Variants in ANKS6 observed in about 807,000 individuals in gnomAD.
ANKS6 encodes the protein ankyrin repeat and SAM domain-containing protein 6.
Under a neutral mutation model 77.9 loss-of-function variants are expected in ANKS6, and 47 were observed. That is an observed-to-expected ratio of 0.60 (90% CI 0.48 to 0.77). The LOEUF (loss-of-function observed/expected upper bound fraction) is 0.77. Among genes scored for constraint, ANKS6 ranks in the 30% least tolerant of loss-of-function variants. ANKS6 has a pLI of 0.00. For missense variants in ANKS6, 1,150 were observed against 1,159.1 expected, an observed-to-expected ratio of 0.99 and a Z score of 0.11; for synonymous variants, 488 against 501.7, an observed-to-expected ratio of 0.97 and a Z score of 0.37.
chr9:98,790,582 G>T lies in ANKS6; in HGVS notation c.384C>A (p.His128Gln), dbSNP rs1333466942. ...AARFGHVSVA[H>Q]LLLDHGADVN... ...CATCAGCCCCGTGATCCAACAGGAG[G>T]TGTGCCACACTCACATGCCCAAATC... is the stretch of plus-strand genomic sequence containing the variant. The change falls in exon 2 of 15, where the codon CAC (histidine) becomes CAA (glutamine). Residue 128 changes from histidine (H) to glutamine (Q), a missense_variant. Transcript: ENST00000353234. The T allele has an allele frequency of 1.2e-6, 2 of 1,605,786 alleles. No homozygotes were observed. Among genetic ancestry groups the T allele is most frequent in the Non-Finnish European group, 1.7e-6 (2 of 1,173,446 alleles).
At position 98,780,195 on chromosome 9, in the gene ANKS6, T is replaced by C; in HGVS notation, c.1362A>G (p.Gly454=). The part of the protein sequence containing the change: ...SIPVLPDDKG[G]LKSWWNRMSN... Reference sequence around the variant, plus strand: ...AAGACAGGAAAAGGCAAACCTTCAGTCCACCCTTGTCATCGGGCAGCACTG... The same window carrying C: ...AAGACAGGAAAAGGCAAACCTTCAGCCCACCCTTGTCATCGGGCAGCACTG... The change falls in exon 6 of 15, where the codon GGA becomes GGG. Residue 454 remains glycine (G), a synonymous_variant. Transcript: ENST00000353234. 6.2e-7 allele frequency: 1 copy of C among 1,613,804 alleles called. No individual in the cohort carries two copies. The highest frequency in any genetic ancestry group is 8.5e-7 in the Non-Finnish European group (1 of 1,180,022).
chr9:98,777,554 C>T (rs1361540653), intron 7 of ANKS6, 100 bp from the exon 8 acceptor site: 14 of 1,014,626 alleles, frequency 1.4e-5, no homozygotes, highest in Non-Finnish European at 2.1e-5. Flanking sequence ...ACCAACTCTC[C>T]TGGGTGCTTA....
At chr9:98,744,309 C>A (rs1028774840) in intron 14 of ANKS6, among the ~76,000 whole-genome samples, 1 of 152,180 alleles carries the variant, frequency 6.6e-6, no homozygotes, top group Non-Finnish European at 1.5e-5. Flanking sequence ...CACCTCCAAT[C>A]CTGGCAGGGC....
chr9:98,736,151 G>T lies in ANKS6; in HGVS notation c.*368C>A. ...TGTGTGTCAGTTAAGAGCAAGGCAG[G>T]TAAGAAGCAGCCGTGCCTTCTCCAT... On this transcript the variant is annotated 3_prime_UTR_variant, in exon 15 of 15. Transcript: ENST00000353234. 2 of 1,152,188 alleles carry T rather than the reference G, an allele frequency of 1.7e-6. No individual in the cohort carries two copies. The highest frequency in any genetic ancestry group is 1.1e-6 in the Non-Finnish European group (1 of 935,346). 71.4% of individuals were successfully genotyped at this position (1,152,188 alleles called of 1,614,324 possible).
In ANKS6 at chr9:98,733,746, A is replaced by G. The variant is rs1328229244; in HGVS notation, c.*2773T>C. 1.0e-5 allele frequency: 10 copies of G among 985,422 alleles called. No homozygotes were observed. The highest frequency in any genetic ancestry group is 1.2e-5 in the Non-Finnish European group (10 of 830,018). 61.0% of individuals were successfully genotyped at this position (985,422 alleles called of 1,614,324 possible). A position where few individuals can be genotyped will look rare whatever the true frequency, so the allele number is the denominator to read the frequency against. ...ATGCTGAAGGTTGTGAGAGGCCTGTAGCAAAGATGATCGTGTAGCTCGCTT... is the reference window on the plus strand; with the variant it reads ...ATGCTGAAGGTTGTGAGAGGCCTGTGGCAAAGATGATCGTGTAGCTCGCTT... On this transcript the variant is annotated 3_prime_UTR_variant, in exon 15 of 15. Transcript: ENST00000353234.
In ANKS6 at chr9:98,753,131, A is replaced by G. The variant is rs572188324; in HGVS notation, c.2327-2035T>C. On this transcript the variant is annotated intron_variant, in intron 12 of 14. Coordinates refer to ENST00000353234, the MANE Select transcript of ANKS6 (RefSeq NM_173551.5). ...CTGATATAAAGGATTTATAGCACAC[A>G]ATTTACAAATAATAAAAAATACAAT... Among the ~76,000 whole-genome samples the G allele has an allele frequency of 3.9e-5, 6 of 152,116 alleles. No individual in the cohort carries two copies. The East Asian group carries it at 1.2e-3, about 29-fold the overall frequency.
chr9:98,735,747 C>T lies in ANKS6; in HGVS notation c.*772G>A. On this transcript the variant is annotated 3_prime_UTR_variant, in exon 15 of 15. Transcript: ENST00000353234. ...AGAAGGGATCCACACAGCAGGCCTCCACTTCTTTCCTTCTATAATAGACTC... is the reference window on the plus strand; with the variant it reads ...AGAAGGGATCCACACAGCAGGCCTCTACTTCTTTCCTTCTATAATAGACTC... The T allele has an allele frequency of 8.1e-7, 1 of 1,231,728 alleles. No individual in the cohort carries two copies. The highest frequency in any genetic ancestry group is 1.0e-6 in the Non-Finnish European group (1 of 987,978). 76.3% of individuals were successfully genotyped at this position (1,231,728 alleles called of 1,614,324 possible).
Position 98,780,353 on chromosome 9 carries a change from G to T in ANKS6, c.1220-16C>A, listed in dbSNP as rs1227785000. On this transcript the variant is annotated splice_polypyrimidine_tract_variant and intron_variant, in intron 5 of 14. Coordinates refer to ENST00000353234, the MANE Select transcript of ANKS6 (RefSeq NM_173551.5). Reference sequence around the variant, plus strand: ...AGTTCCGTGTCTATGGACACAAAAGGCATCATTTTACCTGCAAATATGTCT... The same window carrying T: ...AGTTCCGTGTCTATGGACACAAAAGTCATCATTTTACCTGCAAATATGTCT... 3.2e-6 allele frequency: 5 copies of T among 1,568,692 alleles called. No homozygotes were observed. Among genetic ancestry groups the T allele is most frequent in the Non-Finnish European group, 4.3e-6 (5 of 1,154,320 alleles).
intron 14 of ANKS6, among the ~76,000 whole-genome samples, chr9:98,741,395 C>A (rs1410273872): frequency 2.0e-5 from 3 of 151,980 alleles, no homozygotes; most frequent in Non-Finnish European, 4.4e-5. Flanking sequence ...TTGAGGCCAG[C>A]CTGGGCAACA....
chr9:98,773,841 G>C, intron 9 of ANKS6, 36 bp downstream of exon 9: 2 of 1,474,802 alleles, frequency 1.4e-6, no homozygotes. Flanking sequence ...AGTGAGCAGT[G>C]AGTGATGTGT....
chr9:98,772,413 C>T (rs1833693278), intron 9 of ANKS6, among the ~76,000 whole-genome samples: 1 of 152,232 alleles, frequency 6.6e-6, no homozygotes, highest in Non-Finnish European at 1.5e-5. Context: ...GCCCTGCTGA[C>T]ACCTTGATTT....
chr9:98,744,178 A>G (rs1170022011), intron 14 of ANKS6, among the ~76,000 whole-genome samples: 2 of 152,222 alleles, frequency 1.3e-5, no homozygotes, highest in African/African-American at 4.8e-5. Context: ...ACTAGTAAAG[A>G]CTGGAGGAAA....
chr9:98,734,305 G>A lies in ANKS6; in HGVS notation c.*2214C>T, dbSNP rs1831369586. 1.8e-5 allele frequency: 18 copies of A among 985,464 alleles called. No individual in the cohort carries two copies. The highest frequency in any genetic ancestry group is 1.8e-5 in the Non-Finnish European group (15 of 829,976). The allele number at this position is 985,464 out of a possible 1,614,324, so 61.0% of individuals were successfully genotyped here. A position where few individuals can be genotyped will look rare whatever the true frequency, so the allele number is the denominator to read the frequency against. Reference sequence around the variant, plus strand: ...CGCTCTGTCCAGGGTCATCCAATGAGTTCATGGAGGTCTACATTTGTGAAA... The same window carrying A: ...CGCTCTGTCCAGGGTCATCCAATGAATTCATGGAGGTCTACATTTGTGAAA... On this transcript the variant is annotated 3_prime_UTR_variant, in exon 15 of 15. Coordinates refer to ENST00000353234, the MANE Select transcript of ANKS6 (RefSeq NM_173551.5).
At position 98,733,087 on chromosome 9, in the gene ANKS6, C is replaced by T; in HGVS notation, c.*3432G>A. The T allele has an allele frequency of 1.2e-6, 1 of 827,618 alleles. No individual in the cohort carries two copies. Among genetic ancestry groups the T allele is most frequent in the Non-Finnish European group, 1.5e-6 (1 of 684,680 alleles). The allele number at this position is 827,618 out of a possible 1,614,324, so 51.3% of individuals were successfully genotyped here. On this transcript the variant is annotated 3_prime_UTR_variant, in exon 15 of 15. Transcript: ENST00000353234. ...CACCATCTCACCGACATGATTGTCT[C>T]CTCTAAGATACTGTGGGGTTCCCTT... is the stretch of plus-strand genomic sequence containing the variant.
chr9:98,782,401 C>T, intron 5 of ANKS6, 66 bp downstream of exon 5: 21 of 1,411,384 alleles, frequency 1.5e-5, no homozygotes, highest in Non-Finnish European at 2.1e-5. Context: ...AGAGGAGGTG[C>T]CTGTCTTGAC....
chr9:98,794,781 C>A (rs937327852), intron 1 of ANKS6, among the ~76,000 whole-genome samples: 2 of 152,150 alleles, frequency 1.3e-5, no homozygotes, highest in African/African-American at 4.8e-5. Context: ...CATAACACAT[C>A]AGTGGCTCCC....
At chr9:98,774,139 A>G in intron 8 of ANKS6, 59 bp from the exon 9 acceptor site, 8 of 1,349,818 alleles carry the variant, frequency 5.9e-6, no homozygotes, top group Non-Finnish European at 7.7e-6. Flanking sequence ...ACTCTGCAGG[A>G]AAGACTCCAT....
chr9:98,772,193 G>A (rs962476058), intron 9 of ANKS6, among the ~76,000 whole-genome samples: 4 of 152,224 alleles, frequency 2.6e-5, no homozygotes, highest in African/African-American at 7.2e-5. Flanking sequence ...GAGAGGAGGA[G>A]CTTATCCTGG....
rs1054512679 is a variant in ANKS6, at chr9:98,732,502, T to C, written c.*4017A>G. On this transcript the variant is annotated 3_prime_UTR_variant, in exon 15 of 15. Coordinates refer to ENST00000353234, the MANE Select transcript of ANKS6 (RefSeq NM_173551.5). ...ATGCCAGCAGAGCCACCTGAGCGGC[T>C]GCTACCTCTTGCCGGAGGCAGTTTC... is the stretch of plus-strand genomic sequence containing the variant. 4 of 1,550,464 alleles carry C rather than the reference T, an allele frequency of 2.6e-6. No individual in the cohort carries two copies. The African/African-American group carries it at 5.5e-5, about 21-fold the overall frequency.
Sources: gnomAD v4.1 joint callset for allele counts (sites outside exome capture counted in the v4.1 genomes callset) on GRCh38, gnomAD v4.1.1 for gene constraint, MANE v1.5 for transcripts, NCBI Gene and HGNC (gene_info 2026-07-23, HGNC 2026-07-21) for gene names.